The following ZZEF1 variants were observed in gnomAD, a reference collection of about 807,000 sequenced individuals.
The protein encoded by ZZEF1 is zinc finger ZZ-type and EF-hand domain containing 1.
Under a neutral mutation model 342.8 loss-of-function variants are expected in ZZEF1, and 157 were observed. The observed-to-expected ratio is 0.46, with a 90% CI of 0.40 to 0.52. ZZEF1 has a LOEUF of 0.52. Ranked by LOEUF, ZZEF1 falls within the 20% of genes least tolerant of loss-of-function variation. The pLI is 0.00. For synonymous variants in ZZEF1, 1,505 were observed against 1,429.1 expected, an observed-to-expected ratio of 1.05 and a Z score of -1.20; for missense variants, 3,480 against 3,725.6, an observed-to-expected ratio of 0.93 and a Z score of 1.72.
intron 24 of ZZEF1, 88 bp from the exon 25 acceptor site, chr17:4,072,844 A>T: frequency 7.5e-7 from 1 of 1,333,420 alleles, no homozygotes; most frequent in South Asian, 1.5e-5. Flanking sequence ...GTTAAAAAAA[A>T]CCATGGATAC....
At position 4,018,099 on chromosome 17, in the gene ZZEF1, C is replaced by T. The variant is rs77229100; in HGVS notation, c.7506-128G>A. ...TAGTATCAATGACATTATCATATTCCGTGTTTTGCCAACTGGATTCACAGC... is the reference window on the plus strand; with the variant it reads ...TAGTATCAATGACATTATCATATTCTGTGTTTTGCCAACTGGATTCACAGC... On this transcript the variant is annotated intron_variant, in intron 46 of 54. Transcript: ENST00000381638. 7.0e-4 allele frequency: 873 copies of T among 1,247,188 alleles called. 7 individuals are homozygous for T. The East Asian group carries it at 0.02, about 28-fold the overall frequency. 77.3% of individuals were successfully genotyped at this position (1,247,188 alleles called of 1,614,324 possible). A position where few individuals can be genotyped will look rare whatever the true frequency, so the allele number is the denominator to read the frequency against.
chr17:4,067,265 A>C, intron 26 of ZZEF1, 23 bp from the exon 27 acceptor site: 1 of 1,597,514 alleles, frequency 6.3e-7, no homozygotes, highest in Non-Finnish European at 8.6e-7. Context: ...GCAGAGATGG[A>C]GATTACATTC....
intron 11 of ZZEF1, among the ~76,000 whole-genome samples, chr17:4,095,163 T>C (rs957498469): frequency 2.0e-5 from 3 of 152,126 alleles, no homozygotes; most frequent in African/African-American, 7.2e-5. Context: ...ATGCTTCACC[T>C]CTGGGCCCAT....
At chr17:4,105,644 C>G (rs146763009) in intron 7 of ZZEF1, 49 bp downstream of exon 7, 6 of 1,319,900 alleles carry the variant, frequency 4.5e-6, no homozygotes, top group Non-Finnish European at 1.1e-6. Context: ...AACAAGCATA[C>G]GTGCACTCCA....
chr17:4,042,287 G>A, intron 39 of ZZEF1, 142 bp downstream of exon 39: 2 of 845,454 alleles, frequency 2.4e-6, no homozygotes, highest in Non-Finnish European at 3.7e-6. Flanking sequence ...TATAGGAAGG[G>A]TCAGAAGAAA....
chr17:4,111,983 T>C (rs1370851521), intron 5 of ZZEF1, among the ~76,000 whole-genome samples: 1 of 119,132 alleles, frequency 8.4e-6, no homozygotes, highest in Non-Finnish European at 1.8e-5. Flanking sequence ...CAGTGAGCTA[T>C]GACTGTACCA....
rs770827075 is a variant in ZZEF1, at chr17:4,016,336, T to G, written c.8132A>C (p.Asn2711Thr). ...VRESKHPYNN[N>T]TNFEDKVHIP... ...CCCCAGGCTTACCTCGAAGTTGGTG[T>G]TGTTGTTATACGGGTGTTTCGACTC... Residue 2711 changes from asparagine to threonine, a missense_variant, in exon 49 of 55, where the codon AAC becomes ACC. Physicochemically the swap from Asn to Thr is moderately conservative, Grantham distance 65. Coordinates refer to ENST00000381638, the MANE Select transcript of ZZEF1 (RefSeq NM_015113.4). This position sits in a 1 kb window ranked among gnomAD's most constrained non-coding sequence, Gnocchi z 4.4. The G allele has an allele frequency of 1.9e-5, 31 of 1,613,900 alleles. No individual in the cohort carries two copies. The highest frequency in any genetic ancestry group is 5.0e-5 in the Admixed American group (3 of 59,966).
intron 7 of ZZEF1, 64 bp from the exon 8 acceptor site, chr17:4,104,875 C>T (rs1335707181): frequency 1.2e-5 from 18 of 1,449,414 alleles, no homozygotes; most frequent in Non-Finnish European, 1.6e-5. Flanking sequence ...GTAGCTCAAA[C>T]CCCATGTAAG....
chr17:4,058,597 G>A (rs2057218008), intron 31 of ZZEF1, among the ~76,000 whole-genome samples: 1 of 152,226 alleles, frequency 6.6e-6, no homozygotes, highest in Non-Finnish European at 1.5e-5. Context: ...TATACTGGCT[G>A]GGCGTGGTGG....
intron 16 of ZZEF1, among the ~76,000 whole-genome samples, chr17:4,082,902 A>G (rs1277739148): frequency 1.3e-5 from 2 of 152,070 alleles, no homozygotes; most frequent in African/African-American, 2.4e-5. Context: ...CAGCCTCCCA[A>G]GCATCTAGGA....
intron 16 of ZZEF1, 44 bp from the exon 17 acceptor site, chr17:4,082,548 T>C (rs2057744402): frequency 6.3e-7 from 1 of 1,586,872 alleles, no homozygotes; most frequent in East Asian, 2.3e-5. Context: ...ATCTAGTCCA[T>C]GACATTCCAG....
In ZZEF1 at chr17:4,067,754, G is replaced by C. The variant is rs8064469; in HGVS notation, c.4076-512C>G. Among the ~76,000 whole-genome samples the C allele has an allele frequency of 5.4e-4, 82 of 152,102 alleles. 1 individual carries two copies. The highest frequency in any genetic ancestry group is 2.0e-3 in the African/African-American group (81 of 41,488). On this transcript the variant is annotated intron_variant, in intron 26 of 54. Transcript: ENST00000381638. The stretch of plus-strand genomic sequence containing the variant: ...TCTTATTGTTTAAATTTTTTTAAGA[G>C]ATAGGGTCTTACTCTATCACCCAGG...
chr17:4,041,155 A>C (rs1292219784), intron 39 of ZZEF1, among the ~76,000 whole-genome samples: 1 of 152,196 alleles, frequency 6.6e-6, no homozygotes, highest in Non-Finnish European at 1.5e-5. Flanking sequence ...CTACCTAGAC[A>C]GGTCCGGCCA....
intron 31 of ZZEF1, among the ~76,000 whole-genome samples, chr17:4,058,588 A>G (rs1244644924): frequency 6.6e-6 from 1 of 152,232 alleles, no homozygotes; most frequent in Non-Finnish European, 1.5e-5. Context: ...AATACATAAT[A>G]TACTGGCTGG....
chr17:4,072,151 A>G lies in ZZEF1; in HGVS notation c.3834+457T>C, dbSNP rs771110671. ...TAACGTGGGGCAGGGCAGGGAGGGG[A>G]AGGAAGAAAAGTAGAATACAGAAAT... On this transcript the variant is annotated intron_variant, in intron 25 of 54. Coordinates refer to ENST00000381638, the MANE Select transcript of ZZEF1 (RefSeq NM_015113.4). Among the ~76,000 whole-genome samples the G allele has an allele frequency of 2.6e-5, 4 of 152,064 alleles. No homozygotes were observed. In the South Asian group the frequency reaches 8.3e-4, roughly 32 times the overall value.
At position 4,019,650 on chromosome 17, in the gene ZZEF1, G is replaced by C. The variant is rs564593515; in HGVS notation, c.7505+19C>G. ...TTCTCTCCCTGGCCACACTTCAGCT[G>C]CACGGAAATGTCCCTTACCTCTTCT... On this transcript the variant is annotated intron_variant, in intron 46 of 54. Transcript: ENST00000381638. 60 of 1,602,026 alleles carry C rather than the reference G, an allele frequency of 3.7e-5. No individual in the cohort carries two copies. The East Asian group carries it at 1.3e-3, about 35-fold the overall frequency.
chr17:4,139,778 C>T (rs187631456), intron 1 of ZZEF1, among the ~76,000 whole-genome samples: 3 of 152,348 alleles, frequency 2.0e-5, no homozygotes, highest in East Asian at 3.9e-4. Flanking sequence ...ACTGTATGAC[C>T]TAGCTATGTG....
intron 14 of ZZEF1, 123 bp from the exon 15 acceptor site, chr17:4,086,778 G>T: frequency 1.2e-6 from 1 of 864,036 alleles, no homozygotes. Flanking sequence ...AATGCCAACT[G>T]ATGCAAACTG....
chr17:4,086,286 GCAA>G (rs2057818290), intron 15 of ZZEF1, among the ~76,000 whole-genome samples, 197 bp downstream of exon 15: 1 of 28,642 alleles, frequency 3.5e-5, no homozygotes, highest in African/African-American at 1.0e-4. Flanking sequence ...TCCCACAGCG[GCAA>G]TCCCTTTCTG....
Sources: allele counts gnomAD v4.1 joint callset (sites outside exome capture counted in the v4.1 genomes callset), GRCh38; gene constraint gnomAD v4.1.1; non-coding constraint Gnocchi (gnomAD v3.1); transcripts MANE v1.5; gene names NCBI Gene and HGNC (gene_info 2026-07-23, HGNC 2026-07-21).